DCC: variants seen among roughly 807,000 people sequenced by gnomAD.
The protein encoded by DCC is netrin receptor DCC.
In DCC, 58 loss-of-function variants were observed where a neutral mutation model predicts 172.5. That is an observed-to-expected ratio of 0.34 (90% CI 0.27 to 0.42). The LOEUF (loss-of-function observed/expected upper bound fraction) is 0.42, where lower values mean the gene tolerates loss of function less well. Ranked by LOEUF, DCC falls within the 10% of genes least tolerant of loss-of-function variation. DCC has a pLI of 1.00. For missense variants in DCC, 1,740 were observed against 1,791.0 expected (o/e 0.97, Z 0.51); for synonymous variants, 709 against 644.5 (o/e 1.10, Z -1.52).
intron 1 of DCC, among the ~76,000 whole-genome samples, chr18:52,642,875 T>C (rs1188344640): frequency 6.6e-6 from 1 of 152,124 alleles, no homozygotes; most frequent in Non-Finnish European, 1.5e-5. Flanking sequence ...TGTTACCCAG[T>C]CTGGTCTTGA....
intron 2 of DCC, among the ~76,000 whole-genome samples, chr18:52,803,161 A>G (rs1029665939): frequency 4.6e-5 from 7 of 152,298 alleles, no homozygotes; most frequent in African/African-American, 1.7e-4. Context: ...GAACATCACT[A>G]GTGGCACTTC....
chr18:53,272,417 T>C (rs544953012), intron 12 of DCC, among the ~76,000 whole-genome samples: 1 of 152,266 alleles, frequency 6.6e-6, no homozygotes, highest in South Asian at 2.1e-4. Flanking sequence ...TTTTGAGTTT[T>C]GAAAGACATC....
At chr18:53,389,822 A>G (rs553823479) in intron 16 of DCC, among the ~76,000 whole-genome samples, 51 of 152,314 alleles carry the variant, frequency 3.3e-4, no homozygotes, top group African/African-American at 1.1e-3. Flanking sequence ...AGGATTGACT[A>G]TTTCCATTTC....
chr18:52,491,644 G>A (rs1402363833), intron 1 of DCC, among the ~76,000 whole-genome samples: 5 of 152,098 alleles, frequency 3.3e-5, no homozygotes, highest in Admixed American at 6.6e-5. Flanking sequence ...CAGAATTTTG[G>A]TGGTGACAAT....
chr18:52,864,848 GA>G (rs1212722117), intron 2 of DCC, among the ~76,000 whole-genome samples: 1 of 151,920 alleles, frequency 6.6e-6, no homozygotes, highest in Non-Finnish European at 1.5e-5. Flanking sequence ...CCCTGCAAAG[GA>G]TATGAACTCA....
In DCC at chr18:52,858,745, T is replaced by G. The variant is rs186180677; in HGVS notation, c.413-47299T>G. Among the ~76,000 whole-genome samples, 326 of 152,276 alleles carry G rather than the reference T, an allele frequency of 2.1e-3. 2 individuals are homozygous for G. The highest frequency in any genetic ancestry group is 7.5e-3 in the African/African-American group (310 of 41,576). On this transcript the variant is annotated intron_variant, in intron 2 of 28. Transcript: ENST00000442544. ...ACAGTGAAGGTATAAGATGTGAGCC[T>G]TCTTGTATCCCTTCTGTGGAATGTC...
intron 2 of DCC, among the ~76,000 whole-genome samples, chr18:52,867,176 T>A (rs2039241371): frequency 6.6e-6 from 1 of 152,246 alleles, no homozygotes; most frequent in African/African-American, 2.4e-5. Context: ...TGTGATGAAT[T>A]ATTTTTATTG....
chr18:52,795,128 G>A (rs2037847513), intron 2 of DCC, among the ~76,000 whole-genome samples: 1 of 151,970 alleles, frequency 6.6e-6, no homozygotes, highest in Non-Finnish European at 1.5e-5. Flanking sequence ...TGGTATCAGG[G>A]TAATTCTGGC....
intron 2 of DCC, among the ~76,000 whole-genome samples, chr18:52,879,708 G>T (rs1363980607): frequency 6.6e-6 from 1 of 152,046 alleles, no homozygotes; most frequent in African/African-American, 2.4e-5. Flanking sequence ...GGGACTACAG[G>T]CTTGAGCCAC....
intron 1 of DCC, among the ~76,000 whole-genome samples, chr18:52,457,658 A>G (rs774802119): frequency 1.6e-4 from 24 of 152,212 alleles, no homozygotes; most frequent in Non-Finnish European, 2.9e-4. Context: ...TATGCTTAAG[A>G]TGGTGAGAGT....
At chr18:53,026,346 A>G (rs564883309) in intron 5 of DCC, among the ~76,000 whole-genome samples, 91 of 152,108 alleles carry the variant, frequency 6.0e-4, no homozygotes, top group African/African-American at 2.1e-3. Flanking sequence ...TGTTTCCTCC[A>G]AGTCTTTTTA....
chr18:53,404,138 ATT>A (rs1471120147), intron 19 of DCC, among the ~76,000 whole-genome samples: 3 of 151,810 alleles, frequency 2.0e-5, no homozygotes, highest in Non-Finnish European at 2.9e-5. Flanking sequence ...GTAGCTTTTG[ATT>A]TGTTTATATT....
In DCC at chr18:52,340,566, C is replaced by T; in HGVS notation, c.-222C>T. The T allele has an allele frequency of 1.6e-6, 1 of 614,722 alleles. No homozygotes were observed. Among genetic ancestry groups the T allele is most frequent in the Non-Finnish European group, 2.9e-6 (1 of 342,896 alleles). 38.1% of individuals were successfully genotyped at this position (614,722 alleles called of 1,614,324 possible). ...TTGGACCGAATGGAACTTTTTGCTG[C>T]CTGCTTTTGCTGCTGATTCTGTCAG... On this transcript the variant is annotated 5_prime_UTR_variant, in exon 1 of 29. Coordinates refer to ENST00000442544, the MANE Select transcript of DCC (RefSeq NM_005215.4).
chr18:52,806,105 G>A (rs1297701605), intron 2 of DCC, among the ~76,000 whole-genome samples: 4 of 152,082 alleles, frequency 2.6e-5, no homozygotes, highest in African/African-American at 7.3e-5. Context: ...GATAATACCG[G>A]CTTGAATAAA....
At chr18:53,488,139 C>T (rs891251364) in intron 26 of DCC, among the ~76,000 whole-genome samples, 1 of 152,150 alleles carries the variant, frequency 6.6e-6, no homozygotes, top group African/African-American at 2.4e-5. Flanking sequence ...AATGTGTAGA[C>T]TTTCAGAGGC....
chr18:52,452,769 T>G (rs930938862), intron 1 of DCC, among the ~76,000 whole-genome samples: 1 of 152,192 alleles, frequency 6.6e-6, no homozygotes, highest in Non-Finnish European at 1.5e-5. Flanking sequence ...ATTAAATAAA[T>G]GTAGGTCAGA....
intron 2 of DCC, among the ~76,000 whole-genome samples, chr18:52,888,110 T>G (rs116173691): frequency 0.017 from 2,625 of 152,348 alleles, 56 homozygotes; most frequent in African/African-American, 0.046. Context: ...TTGAAAATAC[T>G]TTTTCATCTA....
intron 9 of DCC, among the ~76,000 whole-genome samples, chr18:53,190,696 C>T (rs558472653): frequency 6.6e-6 from 1 of 152,252 alleles, no homozygotes; most frequent in African/African-American, 2.4e-5. Flanking sequence ...CCTGTAATCC[C>T]AGCACTTTGG....
chr18:52,487,701 C>T (rs999712588), intron 1 of DCC, among the ~76,000 whole-genome samples: 5 of 146,978 alleles, frequency 3.4e-5, no homozygotes, highest in Non-Finnish European at 7.4e-5. Context: ...GTCCCAGCTA[C>T]TGGGGAGGCT....
Sources: gnomAD v4.1 joint callset for allele counts (sites outside exome capture counted in the v4.1 genomes callset) on GRCh38, gnomAD v4.1.1 for gene constraint, MANE v1.5 for transcripts, NCBI Gene and HGNC (gene_info 2026-07-23, HGNC 2026-07-21) for gene names.